B4GALT1: variants seen among roughly 807,000 people sequenced by gnomAD.
B4GALT1 encodes N-acetyllactosamine synthase.
B4GALT1 carries 16 observed loss-of-function variants against 34.9 expected under a neutral mutation model. That is an observed-to-expected ratio of 0.46 (90% CI 0.31 to 0.70). The LOEUF (loss-of-function observed/expected upper bound fraction) is 0.70, where lower values mean the gene tolerates loss of function less well. Among genes scored for constraint, B4GALT1 ranks in the 30% least tolerant of loss-of-function variants. B4GALT1 has a pLI of 0.05. For missense variants in B4GALT1, 445 were observed against 530.5 expected (o/e 0.84, Z 1.58); for synonymous variants, 221 against 218.1 (o/e 1.01, Z -0.12).
intron 3 of B4GALT1, among the ~76,000 whole-genome samples, chr9:33,118,509 T>C (rs1839973318): frequency 6.6e-6 from 1 of 151,852 alleles, no homozygotes; most frequent in Non-Finnish European, 1.5e-5. Flanking sequence ...AAAAAATTTT[T>C]TTTTTTTTAA....
rs1387304443 is a variant in B4GALT1 at position 33,130,947 on chromosome 9, A to G, written c.648+4242T>C. Among the ~76,000 whole-genome samples, 3 of 152,170 alleles carry G rather than the reference A, an allele frequency of 2.0e-5. No homozygotes were observed. The East Asian group carries it at 5.8e-4, about 29-fold the overall frequency. On this transcript the variant is annotated intron_variant, in intron 2 of 5. Transcript: ENST00000379731. The stretch of plus-strand genomic sequence containing the variant: ...ATGGAGAGTGGAGAGGCAGGAGTGG[A>G]CCCTCCTAGTAACGGCTGGTATTTA...
chr9:33,152,730 C>T (rs1327115139), intron 1 of B4GALT1, among the ~76,000 whole-genome samples: 5 of 151,858 alleles, frequency 3.3e-5, no homozygotes, highest in Non-Finnish European at 7.4e-5. Flanking sequence ...AAATATTAGC[C>T]AGGTGTGGTG....
At chr9:33,158,467 C>T (rs1465043180) in intron 1 of B4GALT1, among the ~76,000 whole-genome samples, 1 of 152,200 alleles carries the variant, frequency 6.6e-6, no homozygotes, top group Non-Finnish European at 1.5e-5. Context: ...TTATCATCTT[C>T]AGCTCACTCT....
upstream of B4GALT1, among the ~76,000 whole-genome samples, chr9:33,168,179 A>G (rs1840800562): frequency 6.6e-6 from 1 of 152,218 alleles, no homozygotes; most frequent in Non-Finnish European, 1.5e-5. Context: ...CCGGCAGATT[A>G]AGAAACTTTC....
In B4GALT1 at chr9:33,167,315, C is replaced by A; in HGVS notation, c.-146G>T. Reference sequence around the variant, plus strand: ...CGAGCGGCTGAGAGCTGAGACTCCTCCAGCCAGCCAGACCTGGGAGCGGCG... The same window carrying A: ...CGAGCGGCTGAGAGCTGAGACTCCTACAGCCAGCCAGACCTGGGAGCGGCG... On this transcript the variant is annotated 5_prime_UTR_variant, in exon 1 of 6. Transcript: ENST00000379731. 1 of 1,073,600 alleles carries A rather than the reference C, an allele frequency of 9.3e-7. No homozygotes were observed. Among genetic ancestry groups the A allele is most frequent in the Non-Finnish European group, 1.2e-6 (1 of 812,296 alleles). The allele number at this position is 1,073,600 out of a possible 1,614,324, so 66.5% of individuals were successfully genotyped here. A position where few individuals can be genotyped will look rare whatever the true frequency, so the allele number is the denominator to read the frequency against.
chr9:33,131,865 C>A (rs1213813606), intron 2 of B4GALT1, among the ~76,000 whole-genome samples: 35 of 151,920 alleles, frequency 2.3e-4, no homozygotes, highest in Non-Finnish European at 4.4e-5. Context: ...TTTCAGGGTT[C>A]AGGTTTCCCA....
upstream of B4GALT1, among the ~76,000 whole-genome samples, chr9:33,169,717 C>T (rs1187445749): frequency 6.6e-6 from 1 of 151,770 alleles, no homozygotes; most frequent in Non-Finnish European, 1.5e-5. Context: ...AGACGGATTT[C>T]ACCATGTTGG....
At chr9:33,176,075 C>T in the B4GALT1 span, among the ~76,000 whole-genome samples, 1 of 152,124 alleles carries the variant, frequency 6.6e-6, no homozygotes, top group African/African-American at 2.4e-5. Flanking sequence ...CACTTGTCAC[C>T]AGCTCCCCCT....
At chr9:33,108,447 T>TAAA (rs60251768), downstream of B4GALT1, among the ~76,000 whole-genome samples, 30,668 of 141,848 alleles carry the variant, frequency 0.22, 3,477 homozygotes, top group African/African-American at 0.25. Context: ...ACTCTGTCTC[T>TAAA]AAAAAAAAAA....
intron 5 of B4GALT1, 55 bp downstream of exon 5, chr9:33,113,719 C>G (rs1839898660): frequency 5.0e-6 from 8 of 1,610,088 alleles, no homozygotes; most frequent in Non-Finnish European, 6.8e-6. Flanking sequence ...AGCCTCGGAC[C>G]TGCAGCCTAC....
chr9:33,150,233 T>TACACAC (rs10701535), intron 1 of B4GALT1, among the ~76,000 whole-genome samples: 31,854 of 137,906 alleles, frequency 0.23, 4,068 homozygotes, highest in South Asian at 0.34. Flanking sequence ...TACAGGTAGA[T>TACACAC]ACACACACAC....
At chr9:33,150,266 AGAG>A (rs1332274439) in intron 1 of B4GALT1, among the ~76,000 whole-genome samples, 66 of 148,654 alleles carry the variant, frequency 4.4e-4, no homozygotes, top group South Asian at 1.3e-3. Context: ...ACACACACAC[AGAG>A]CGAGAGAGAG....
At chr9:33,107,647 GC>G (rs1231699077), downstream of B4GALT1, among the ~76,000 whole-genome samples, 7 of 152,180 alleles carry the variant, frequency 4.6e-5, no homozygotes, top group Non-Finnish European at 1.0e-4. Flanking sequence ...TGATTAAGGG[GC>G]TCTGCTTGGC....
At chr9:33,146,148 G>C (rs971656828) in intron 1 of B4GALT1, among the ~76,000 whole-genome samples, 1 of 152,190 alleles carries the variant, frequency 6.6e-6, no homozygotes, top group African/African-American at 2.4e-5. Flanking sequence ...TTGGTCTCTG[G>C]AGGAAAAATT....
At chr9:33,118,860 GT>G (rs368456792) in intron 3 of B4GALT1, among the ~76,000 whole-genome samples, 4,811 of 146,608 alleles carry the variant, frequency 0.033, 90 homozygotes, top group Middle Eastern at 0.065. Flanking sequence ...CAACTGATAG[GT>G]TTTTTTTTTT....
chr9:33,182,057 A>T, the B4GALT1 span, among the ~76,000 whole-genome samples: 838 of 150,738 alleles, frequency 5.6e-3, 8 homozygotes, highest in East Asian at 0.028. Context: ...ATTTAAAAAA[A>T]TTTTTTTTTG....
intron 1 of B4GALT1, among the ~76,000 whole-genome samples, chr9:33,162,586 T>C (rs1023953721): frequency 2.0e-5 from 3 of 152,190 alleles, no homozygotes; most frequent in African/African-American, 7.2e-5. Context: ...CTAGGGCATA[T>C]CAGGTCACCC....
intron 1 of B4GALT1, among the ~76,000 whole-genome samples, chr9:33,150,335 A>G (rs539088042): frequency 1.3e-5 from 2 of 151,864 alleles, no homozygotes; most frequent in Non-Finnish European, 2.9e-5. Flanking sequence ...AGGGACTCCA[A>G]AGGATATCCA....
At chr9:33,125,281 G>A (rs4879666) in intron 2 of B4GALT1, among the ~76,000 whole-genome samples, 64,527 of 152,044 alleles carry the variant, frequency 0.42, 15,416 homozygotes, top group Admixed American at 0.56. Context: ...GTAAGGAAAA[G>A]AGAACAGCCA....
Sources: gnomAD v4.1 joint callset for allele counts (sites outside exome capture counted in the v4.1 genomes callset) on GRCh38, gnomAD v4.1.1 for gene constraint, MANE v1.5 for transcripts, NCBI Gene and HGNC (gene_info 2026-07-23, HGNC 2026-07-21) for gene names.